SERPINB10: variants seen among roughly 807,000 people sequenced by gnomAD.
The protein encoded by SERPINB10 is serpin family B member 10, also known as serpin B10.
In SERPINB10, 35 loss-of-function variants were observed where a neutral mutation model predicts 39.1. That is an observed-to-expected ratio of 0.90 (90% CI 0.68 to 1.19). SERPINB10 has a LOEUF of 1.19. Among genes scored for constraint, SERPINB10 ranks in the 50% most tolerant of loss-of-function variants. The pLI, the probability that SERPINB10 is intolerant of heterozygous loss-of-function variation, is 0.00. For synonymous variants in SERPINB10, 190 were observed against 158.1 expected (o/e 1.20, Z -1.52); for missense variants, 546 against 460.5 (o/e 1.19, Z -1.70).
At chr18:63,932,102 A>G (rs2050226808) in intron 6 of SERPINB10, among the ~76,000 whole-genome samples, 1 of 152,108 alleles carries the variant, frequency 6.6e-6, no homozygotes, top group Admixed American at 6.5e-5. Context: ...TTTATTGCTG[A>G]ATAATATTTT....
chr18:63,930,266 T>G, intron 6 of SERPINB10, 79 bp downstream of exon 6: 1 of 1,483,224 alleles, frequency 6.7e-7, no homozygotes, highest in Non-Finnish European at 9.2e-7. Flanking sequence ...ACTCTTCTTT[T>G]AGATTGTATG....
At chr18:63,927,578 G>T (rs1298571692) in intron 5 of SERPINB10, among the ~76,000 whole-genome samples, 1 of 151,962 alleles carries the variant, frequency 6.6e-6, no homozygotes, top group Non-Finnish European at 1.5e-5. Context: ...CCCTTTATAA[G>T]GACACTAATC....
intron 5 of SERPINB10, among the ~76,000 whole-genome samples, chr18:63,926,641 G>C (rs979371372): frequency 2.0e-5 from 3 of 151,900 alleles, no homozygotes; most frequent in Admixed American, 1.3e-4. Flanking sequence ...AAGGTGTCAA[G>C]GTCATGAAAG....
intron 6 of SERPINB10, among the ~76,000 whole-genome samples, chr18:63,931,076 A>G (rs1166224971): frequency 2.0e-5 from 3 of 152,126 alleles, no homozygotes; most frequent in Non-Finnish European, 2.9e-5. Flanking sequence ...TTATATATTC[A>G]CTGGAAATTT....
chr18:63,934,759 C>T (rs1315423373), intron 7 of SERPINB10, 79 bp from the exon 8 acceptor site: 14 of 1,422,308 alleles, frequency 9.8e-6, no homozygotes, highest in Non-Finnish European at 1.2e-5. Flanking sequence ...TATGTAATTC[C>T]TAGGGTGCTC....
chr18:63,926,486 C>T (rs937566279), intron 5 of SERPINB10, among the ~76,000 whole-genome samples: 16 of 152,050 alleles, frequency 1.1e-4, no homozygotes, highest in African/African-American at 2.4e-4. Flanking sequence ...AAGTGGGACA[C>T]GTGTTTTTGG....
At chr18:63,927,615 A>G (rs917862297) in intron 5 of SERPINB10, among the ~76,000 whole-genome samples, 1 of 144,568 alleles carries the variant, frequency 6.9e-6, no homozygotes, top group African/African-American at 2.6e-5. Context: ...AGCCCTCCTG[A>G]TCTAATCCTT....
intron 1 of SERPINB10, among the ~76,000 whole-genome samples, chr18:63,914,969 C>A (rs1162329024): frequency 6.6e-6 from 1 of 152,030 alleles, no homozygotes; most frequent in Non-Finnish European, 1.5e-5. Context: ...CAAGCATTTT[C>A]CAATTAGTTG....
chr18:63,911,833 G>A (rs4500849), intron 1 of SERPINB10, among the ~76,000 whole-genome samples: 56,547 of 151,864 alleles, frequency 0.37, 14,045 homozygotes, highest in African/African-American at 0.7. Context: ...GTAGTTTGAT[G>A]GAAATAGCAT....
chr18:63,923,425 C>A (rs909705627), intron 5 of SERPINB10, among the ~76,000 whole-genome samples: 1 of 151,912 alleles, frequency 6.6e-6, no homozygotes, highest in Non-Finnish European at 1.5e-5. Context: ...CTCAAAGATA[C>A]TTCTTTCCTT....
intron 1 of SERPINB10, among the ~76,000 whole-genome samples, chr18:63,911,118 T>A (rs913593732): frequency 2.4e-4 from 37 of 152,036 alleles, no homozygotes; most frequent in Non-Finnish European, 1.9e-4. Flanking sequence ...TCATGTCCTT[T>A]GGCATTTTTT....
rs1758419108 is a variant in SERPINB10, at chr18:63,918,064, A to G, written c.334A>G (p.Asn112Asp). The change falls in exon 4 of 8, where the codon AAT becomes GAT. Residue 112 changes from asparagine (N) to aspartate (D), a missense_variant. By Grantham distance (23) the Asn-to-Asp change is conservative (BLOSUM62 1). Transcript: ENST00000238508. ...CGATGACTACTTACTTAAAACAGCCAATGCGATATATGGAGAGAAAACGTA... is the reference window on the plus strand; with the variant it reads ...CGATGACTACTTACTTAAAACAGCCGATGCGATATATGGAGAGAAAACGTA... ...PNDDYLLKTANAIYGEKTYAF... is the reference protein window; with the variant it reads ...PNDDYLLKTADAIYGEKTYAF... 1 of 1,612,384 alleles carries G rather than the reference A, an allele frequency of 6.2e-7. No individual in the cohort carries two copies. The highest frequency in any genetic ancestry group is 1.1e-5 in the South Asian group (1 of 91,038).
At chr18:63,912,505 T>C (rs766233353) in intron 1 of SERPINB10, among the ~76,000 whole-genome samples, 4 of 152,078 alleles carry the variant, frequency 2.6e-5, no homozygotes, top group Non-Finnish European at 5.9e-5. Context: ...GGATATTGGA[T>C]TTTATTGAAA....
chr18:63,920,132 C>G (rs768439678), intron 5 of SERPINB10, among the ~76,000 whole-genome samples: 3 of 151,832 alleles, frequency 2.0e-5, no homozygotes, highest in Non-Finnish European at 4.4e-5. Flanking sequence ...ACCAAATAGA[C>G]AAGAAAATTA....
chr18:63,909,120 A>C (rs17072074), intron 1 of SERPINB10, among the ~76,000 whole-genome samples: 3,521 of 152,082 alleles, frequency 0.023, 164 homozygotes, highest in East Asian at 0.2. Flanking sequence ...GTCTATGATG[A>C]GACATTTTGA....
chr18:63,926,518 C>T (rs1435119720), intron 5 of SERPINB10, among the ~76,000 whole-genome samples: 1 of 151,964 alleles, frequency 6.6e-6, no homozygotes, highest in Non-Finnish European at 1.5e-5. Flanking sequence ...CAACCCACCA[C>T]GGTGATACTC....
intron 1 of SERPINB10, among the ~76,000 whole-genome samples, chr18:63,909,918 T>C (rs1028681845): frequency 1.3e-5 from 2 of 152,056 alleles, no homozygotes; most frequent in South Asian, 2.1e-4. Flanking sequence ...GTAGAATTAC[T>C]ACAGATCTAC....
At position 63,935,513 on chromosome 18, in the gene SERPINB10, T is replaced by C. The variant is rs2050256926; in HGVS notation, c.*271T>C. The C allele has an allele frequency of 3.0e-6, 1 of 331,748 alleles. No homozygotes were observed. The highest frequency in any genetic ancestry group is 5.5e-6 in the Non-Finnish European group (1 of 183,348). 20.6% of individuals were successfully genotyped at this position (331,748 alleles called of 1,614,324 possible). ...AGAAGTACTATGCTATTCAACTGAA[T>C]GCCTTACAATTCTTGATCACTTGCA... On this transcript the variant is annotated 3_prime_UTR_variant, in exon 8 of 8. Coordinates refer to ENST00000238508, the MANE Select transcript of SERPINB10 (RefSeq NM_005024.3).
At chr18:63,926,584 C>T (rs74257043) in intron 5 of SERPINB10, among the ~76,000 whole-genome samples, 3,518 of 152,000 alleles carry the variant, frequency 0.023, 165 homozygotes, top group East Asian at 0.2. Context: ...CAAACCTAAA[C>T]TGGGAATTCA....
Sources: allele counts gnomAD v4.1 joint callset (sites outside exome capture counted in the v4.1 genomes callset), GRCh38; gene constraint gnomAD v4.1.1; transcripts MANE v1.5; gene names NCBI Gene and HGNC (gene_info 2026-07-23, HGNC 2026-07-21).